The following SERPINA3 variants were observed in gnomAD, a reference collection of about 807,000 sequenced individuals.
SERPINA3 encodes the protein alpha-1-antichymotrypsin.
In SERPINA3, 32 loss-of-function variants were observed where a neutral mutation model predicts 26.8. The observed-to-expected ratio is 1.20, with a 90% CI of 0.90 to 1.61. The LOEUF is 1.61. SERPINA3 is among the 40% of genes most tolerant of loss of function. SERPINA3 has a pLI of 0.00. For missense variants in SERPINA3, 632 were observed against 517.9 expected (o/e 1.22, Z -2.14); for synonymous variants, 252 against 206.4 (o/e 1.22, Z -1.89).
chr14:94,620,574 A>G (rs566778492), intron 3 of SERPINA3, among the ~76,000 whole-genome samples: 1 of 152,280 alleles, frequency 6.6e-6, no homozygotes, highest in South Asian at 2.1e-4. Context: ...TTAAAAGACT[A>G]ATCCTGGCTG....
chr14:94,612,531 G>A (rs1885820143), intron 1 of SERPINA3, 84 bp downstream of exon 1: 1 of 810,996 alleles, frequency 1.2e-6, no homozygotes, highest in Non-Finnish European at 1.9e-6. Flanking sequence ...AGTGTGTGGA[G>A]TGTGAGGGGT....
rs1470764596 is a variant in SERPINA3 at position 94,622,371 on chromosome 14, T to C, written c.948T>C (p.Phe316=). ...TAGGTGAGCTCTACCTGCCAAAGTT[T>C]TCCATCTCGAGGGACTATAACCTGA... ...REIGELYLPK[F]SISRDYNLND... is the part of the protein sequence containing the mutation. Residue 316 remains phenylalanine (F), a synonymous_variant, in exon 4 of 5, where the codon TTT becomes TTC. Coordinates refer to ENST00000393078, the MANE Select transcript of SERPINA3 (RefSeq NM_001085.5). 1.9e-6 allele frequency: 3 copies of C among 1,613,958 alleles called. No individual in the cohort carries two copies. In the African/African-American group the frequency reaches 4.0e-5, roughly 22 times the overall value.
In SERPINA3 at chr14:94,614,712, G is replaced by A; in HGVS notation, c.271G>A (p.Ala91Thr). The A allele has an allele frequency of 2.5e-6, 4 of 1,614,110 alleles. No individual in the cohort carries two copies. The highest frequency in any genetic ancestry group is 2.5e-6 in the Non-Finnish European group (3 of 1,180,016). ...CGCCTTGGCCTTCCTGTCTCTGGGGGCCCATAATACCACCCTGACAGAGAT... is the reference window on the plus strand; with the variant it reads ...CGCCTTGGCCTTCCTGTCTCTGGGGACCCATAATACCACCCTGACAGAGAT... ...STALAFLSLG[A>T]HNTTLTEILK... Residue 91 changes from alanine to threonine, a missense_variant, in exon 2 of 5, where the codon GCC (alanine) becomes ACC (threonine). Ala to Thr is a moderately conservative substitution (Grantham distance 58). Coordinates refer to ENST00000393078, the MANE Select transcript of SERPINA3 (RefSeq NM_001085.5).
chr14:94,612,970 G>A (rs745776672), intron 1 of SERPINA3, among the ~76,000 whole-genome samples: 1 of 152,204 alleles, frequency 6.6e-6, no homozygotes, highest in South Asian at 2.1e-4. Flanking sequence ...AAGACAAACT[G>A]CTGGGAAACA....
chr14:94,623,995 T>A lies in SERPINA3; in HGVS notation c.*181T>A. On this transcript the variant is annotated 3_prime_UTR_variant, in exon 5 of 5. Transcript: ENST00000393078. ...TAGCTCTCACATGCACAGGGGCCCA[T>A]GGACTCTTCAGTCTGGAGGGTCCTG... The A allele has an allele frequency of 1.5e-6, 1 of 665,558 alleles. No individual in the cohort carries two copies. The highest frequency in any genetic ancestry group is 2.7e-6 in the Non-Finnish European group (1 of 370,296). The allele number at this position is 665,558 out of a possible 1,614,324, so 41.2% of individuals were successfully genotyped here.
At chr14:94,620,700 G>A (rs1351129242) in intron 3 of SERPINA3, among the ~76,000 whole-genome samples, 1 of 152,226 alleles carries the variant, frequency 6.6e-6, no homozygotes, top group Non-Finnish European at 1.5e-5. Context: ...CCATGCATGT[G>A]AGAAGTCATT....
At chr14:94,616,930 T>C (rs1886027119) in intron 2 of SERPINA3, among the ~76,000 whole-genome samples, 1 of 152,022 alleles carries the variant, frequency 6.6e-6, no homozygotes, top group Non-Finnish European at 1.5e-5. Flanking sequence ...TGGGAGCAGA[T>C]GTGAGAAGAT....
chr14:94,619,217 C>T lies in SERPINA3; in HGVS notation c.666C>T (p.Asp222=). ...CAGCCAAATGGGAGATGCCCTTTGA[C>T]CCCCAAGATACTCATCAGTCAAGGT... ...FFKAKWEMPF[D]PQDTHQSRFY... The change falls in exon 3 of 5, where the codon GAC becomes GAT. Residue 222 remains aspartate, a synonymous_variant. Coordinates refer to ENST00000393078, the MANE Select transcript of SERPINA3 (RefSeq NM_001085.5). 5 of 1,614,070 alleles carry T rather than the reference C, an allele frequency of 3.1e-6. No homozygotes were observed. The highest frequency in any genetic ancestry group is 4.5e-5 in the East Asian group (2 of 44,872).
intron 1 of SERPINA3, 149 bp downstream of exon 1, chr14:94,612,596 T>G (rs1595092786): frequency 2.4e-6 from 1 of 423,202 alleles, no homozygotes; most frequent in Non-Finnish European, 4.5e-6. Context: ...GGTCTGTTCT[T>G]GGCTGCCACT....
chr14:94,621,211 A>G (rs548177442), intron 3 of SERPINA3, among the ~76,000 whole-genome samples: 26 of 152,112 alleles, frequency 1.7e-4, no homozygotes, highest in Admixed American at 1.4e-3. Context: ...TACCCAACCC[A>G]TCCGTTTACT....
intron 4 of SERPINA3, 28 bp from the exon 5 acceptor site, chr14:94,623,583 C>T (rs551566901): frequency 2.3e-5 from 37 of 1,607,350 alleles, no homozygotes; most frequent in African/African-American, 5.3e-5. Context: ...CTGTGTTTCC[C>T]GTGTGTAATG....
Position 94,623,619 on chromosome 14 carries a change from T to A in SERPINA3, c.1077T>A (p.His359Gln), listed in dbSNP as rs149892304. 109 of 1,614,078 alleles carry A rather than the reference T, an allele frequency of 6.8e-5. 1 individual carries two copies. In the African/African-American group the frequency reaches 1.3e-3, roughly 19 times the overall value. The change falls in exon 5 of 5, where the codon CAT becomes CAA. Residue 359 changes from histidine (H) to glutamine (Q), a missense_variant. Physicochemically the swap from His to Gln is conservative, Grantham distance 24. Transcript: ENST00000393078. ...ARNLAVSQVV[H>Q]KAVLDVFEEG... ...TTCTGCTGTCCCCACAGGTGGTCCA[T>A]AAGGCTGTGCTTGATGTATTTGAGG...
chr14:94,621,531 C>A (rs1276228325), intron 3 of SERPINA3, among the ~76,000 whole-genome samples: 1 of 152,130 alleles, frequency 6.6e-6, no homozygotes, highest in Non-Finnish European at 1.5e-5. Context: ...CAGTGACAGG[C>A]ATCTTAAGAG....
intron 2 of SERPINA3, chr14:94,615,587 C>T (rs955868934): frequency 2.5e-5 from 9 of 354,832 alleles, no homozygotes; most frequent in African/African-American, 1.9e-4. Flanking sequence ...CAAGATAATC[C>T]CCAAGGAGCC....
intron 4 of SERPINA3, among the ~76,000 whole-genome samples, chr14:94,623,374 C>G (rs1886277484): frequency 6.6e-6 from 1 of 152,174 alleles, no homozygotes; most frequent in African/African-American, 2.4e-5. Context: ...CCATTCTTTA[C>G]CTCGATGGCT....
At chr14:94,621,546 A>G (rs1886201826) in intron 3 of SERPINA3, among the ~76,000 whole-genome samples, 1 of 152,170 alleles carries the variant, frequency 6.6e-6, no homozygotes, top group Non-Finnish European at 1.5e-5. Flanking sequence ...TAAGAGGGCT[A>G]TAAACTAAGG....
At chr14:94,620,188 G>T (rs3790034) in intron 3 of SERPINA3, among the ~76,000 whole-genome samples, 1 of 152,258 alleles carries the variant, frequency 6.6e-6, no homozygotes, top group East Asian at 1.9e-4. Context: ...ACAGAGGGGA[G>T]GGGTGGAGTC....
At chr14:94,621,757 C>T (rs1886210655) in intron 3 of SERPINA3, among the ~76,000 whole-genome samples, 1 of 152,166 alleles carries the variant, frequency 6.6e-6, no homozygotes, top group Admixed American at 6.5e-5. Flanking sequence ...TTTGACCTGC[C>T]TCTGGCTCCT....
At chr14:94,614,302 T>G in intron 1 of SERPINA3, 132 bp from the exon 2 acceptor site, 1 of 847,394 alleles carries the variant, frequency 1.2e-6, no homozygotes, top group Admixed American at 1.9e-5. Context: ...AGAGAGCACC[T>G]ACCTGAGGGA....
Sources: gnomAD v4.1 joint callset for allele counts (sites outside exome capture counted in the v4.1 genomes callset) on GRCh38, gnomAD v4.1.1 for gene constraint, MANE v1.5 for transcripts, NCBI Gene and HGNC (gene_info 2026-07-23, HGNC 2026-07-21) for gene names.